The following TMOD3 variants were observed in gnomAD, a reference collection of about 807,000 sequenced individuals.
TMOD3 encodes tropomodulin 3.
TMOD3 carries 20 observed loss-of-function variants against 39.2 expected under a neutral mutation model. The observed-to-expected ratio is 0.51, with a 90% CI of 0.36 to 0.74. TMOD3 has a LOEUF of 0.74. Among genes scored for constraint, TMOD3 ranks in the 30% least tolerant of loss-of-function variants. The pLI is 0.00. For synonymous variants in TMOD3, 143 were observed against 145.8 expected, an observed-to-expected ratio of 0.98 and a Z score of 0.14; for missense variants, 381 against 412.8, an observed-to-expected ratio of 0.92 and a Z score of 0.67.
intron 7 of TMOD3, among the ~76,000 whole-genome samples, chr15:51,899,714 A>G (rs903631514): frequency 6.6e-6 from 1 of 152,148 alleles, no homozygotes; most frequent in Non-Finnish European, 1.5e-5. Flanking sequence ...CATGGGTTCA[A>G]CCAACTTCAG....
At chr15:51,870,164 C>A (rs1225720460) in intron 3 of TMOD3, among the ~76,000 whole-genome samples, 1 of 152,138 alleles carries the variant, frequency 6.6e-6, no homozygotes, top group Non-Finnish European at 1.5e-5. Flanking sequence ...GTCTCGAACT[C>A]CTGACCTCAA....
chr15:51,915,148 T>G lies in TMOD3; in HGVS notation c.*6338T>G, dbSNP rs1443406070. 1.3e-5 allele frequency: 2 copies of G among 152,102 alleles called. No individual in the cohort carries two copies. The highest frequency in any genetic ancestry group is 3.9e-4 in the East Asian group (2 of 5,184). 9.4% of individuals were successfully genotyped at this position (152,102 alleles called of 1,614,324 possible). A position where few individuals can be genotyped will look rare whatever the true frequency, so the allele number is the denominator to read the frequency against. ...AAAGCAATTAATTGGCCTAAAATGT[T>G]TCAAATATTATAGTCTATACATTCA... is the stretch of plus-strand genomic sequence containing the variant. On this transcript the variant is annotated 3_prime_UTR_variant, in exon 10 of 10. Transcript: ENST00000308580.
Position 51,896,537 on chromosome 15 carries a change from G to A in TMOD3, c.735+11G>A, listed in dbSNP as rs758622419. 12 of 1,594,086 alleles carry A rather than the reference G, an allele frequency of 7.5e-6. No homozygotes were observed. The highest frequency in any genetic ancestry group is 1.3e-5 in the African/African-American group (1 of 74,388). ...GACCCTGTTGCTACTGTAAGTAAGC[G>A]ACTTGAGAATATCAAAATTATGACA... is the stretch of plus-strand genomic sequence containing the variant. On this transcript the variant is annotated intron_variant, in intron 7 of 9. Coordinates refer to ENST00000308580, the MANE Select transcript of TMOD3 (RefSeq NM_014547.5).
chr15:51,832,860 T>C (rs1424964210), intron 1 of TMOD3, among the ~76,000 whole-genome samples: 2 of 152,232 alleles, frequency 1.3e-5, no homozygotes, highest in Non-Finnish European at 2.9e-5. Flanking sequence ...ATATTTAGGC[T>C]GTGTTGTAGC....
At chr15:51,869,052 A>T (rs901244608) in intron 2 of TMOD3, among the ~76,000 whole-genome samples, 165 bp from the exon 3 acceptor site, 1 of 152,240 alleles carries the variant, frequency 6.6e-6, no homozygotes, top group Non-Finnish European at 1.5e-5. Context: ...AAAGAAGTTT[A>T]ATGTTTGGAG....
intron 3 of TMOD3, 137 bp from the exon 4 acceptor site, chr15:51,887,452 G>A: frequency 2.1e-6 from 2 of 930,580 alleles, no homozygotes; most frequent in South Asian, 1.9e-5. Context: ...AAAAATCTAT[G>A]TCAGAGATAA....
At chr15:51,883,209 A>G (rs2056543370) in intron 3 of TMOD3, among the ~76,000 whole-genome samples, 1 of 152,160 alleles carries the variant, frequency 6.6e-6, no homozygotes, top group Non-Finnish European at 1.5e-5. Flanking sequence ...ATTCTATATG[A>G]CAGAAAAATT....
intron 3 of TMOD3, among the ~76,000 whole-genome samples, chr15:51,875,487 T>G (rs915263602): frequency 3.3e-5 from 5 of 152,146 alleles, no homozygotes; most frequent in African/African-American, 1.2e-4. Flanking sequence ...GTTAGCCAGA[T>G]GGACGGCTTG....
chr15:51,836,095 C>A (rs2056281422), intron 1 of TMOD3, among the ~76,000 whole-genome samples: 1 of 152,106 alleles, frequency 6.6e-6, no homozygotes, highest in Non-Finnish European at 1.5e-5. Context: ...CTTTGGTTTC[C>A]TTATTCATTC....
At chr15:51,887,234 G>A in intron 3 of TMOD3, among the ~76,000 whole-genome samples, 2 of 141,036 alleles carry the variant, frequency 1.4e-5, no homozygotes, top group Admixed American at 7.3e-5. Context: ...AAAAAAAAAA[G>A]GAAATTGGAT....
chr15:51,840,683 A>T (rs2056308852), intron 1 of TMOD3, among the ~76,000 whole-genome samples: 2 of 152,216 alleles, frequency 1.3e-5, no homozygotes. Flanking sequence ...GGAGTCCCTG[A>T]TGCTTAATTT....
intron 1 of TMOD3, among the ~76,000 whole-genome samples, chr15:51,832,203 T>TTATA (rs3985812): frequency 0.11 from 9,000 of 79,182 alleles, 1,256 homozygotes; most frequent in South Asian, 0.2. Flanking sequence ...AGAAAAAAAA[T>TTATA]TATATATATA....
chr15:51,868,159 A>G (rs2056456774), intron 2 of TMOD3, among the ~76,000 whole-genome samples: 1 of 152,224 alleles, frequency 6.6e-6, no homozygotes, highest in Admixed American at 6.5e-5. Flanking sequence ...TATGGTATAT[A>G]TGTTGTAATC....
chr15:51,880,902 T>C (rs1408233800), intron 3 of TMOD3, among the ~76,000 whole-genome samples: 1 of 152,226 alleles, frequency 6.6e-6, no homozygotes, highest in Non-Finnish European at 1.5e-5. Context: ...TGCCAAACTT[T>C]TCCAAAGTGG....
At chr15:51,851,141 G>A (rs2623246) in intron 1 of TMOD3, among the ~76,000 whole-genome samples, 1 of 152,058 alleles carries the variant, frequency 6.6e-6, no homozygotes, top group African/African-American at 2.4e-5. Context: ...AAGGACTGCT[G>A]GGGGGTGATA....
At chr15:51,890,223 C>CAGTG (rs1445939138) in intron 5 of TMOD3, among the ~76,000 whole-genome samples, 3 of 149,152 alleles carry the variant, frequency 2.0e-5, no homozygotes, top group Non-Finnish European at 4.4e-5. Flanking sequence ...GGCTGGAGTG[C>CAGTG]AGTGGTACCA....
intron 3 of TMOD3, among the ~76,000 whole-genome samples, chr15:51,879,856 T>TCACACACACACATA (rs1555387136): frequency 7.0e-6 from 1 of 142,558 alleles, no homozygotes; most frequent in Non-Finnish European, 1.5e-5. Context: ...TCTCTGTCTT[T>TCACACACACACATA]CACACACACA....
intron 2 of TMOD3, among the ~76,000 whole-genome samples, chr15:51,867,973 C>T (rs2056455384): frequency 6.6e-6 from 1 of 152,188 alleles, no homozygotes; most frequent in Non-Finnish European, 1.5e-5. Context: ...TGTGGAAACC[C>T]AGGAACATAG....
chr15:51,896,434 A>G lies in TMOD3; in HGVS notation c.643A>G (p.Thr215Ala), dbSNP rs780694055. The G allele has an allele frequency of 5.6e-6, 9 of 1,611,926 alleles. No homozygotes were observed. Among genetic ancestry groups the G allele is most frequent in the Non-Finnish European group, 5.9e-6 (7 of 1,178,548 alleles). ...GTCTTTCAAGAATATCCCAATTCCA[A>G]CCCTAAAAGATTTTGCAAAGGCTTT... ...LNNIKNIPIPTLKDFAKALET... is the reference protein window; with the variant it reads ...LNNIKNIPIPALKDFAKALET... The change falls in exon 7 of 10, where the codon ACC (threonine) becomes GCC (alanine). Residue 215 changes from threonine to alanine, a missense_variant. By Grantham distance (58) the Thr-to-Ala change is moderately conservative. Coordinates refer to ENST00000308580, the MANE Select transcript of TMOD3 (RefSeq NM_014547.5).
Sources: gnomAD v4.1 joint callset for allele counts (sites outside exome capture counted in the v4.1 genomes callset) on GRCh38, gnomAD v4.1.1 for gene constraint, MANE v1.5 for transcripts, NCBI Gene and HGNC (gene_info 2026-07-23, HGNC 2026-07-21) for gene names.